PPHLN1: variants seen among roughly 807,000 people sequenced by gnomAD.
PPHLN1 encodes periphilin-1.
In PPHLN1, 29 loss-of-function variants were observed where a neutral mutation model predicts 51.3. That is an observed-to-expected ratio of 0.57 (90% CI 0.42 to 0.77). PPHLN1 has a LOEUF of 0.77. Ranked by LOEUF, PPHLN1 falls within the 30% of genes least tolerant of loss-of-function variation. The probability of loss-of-function intolerance (pLI) is 0.00; values close to 1 mark genes in which losing one functional copy is unlikely to be tolerated. For synonymous variants in PPHLN1, 147 were observed against 147.8 expected (o/e 0.99, Z 0.04); for missense variants, 436 against 438.4 (o/e 0.99, Z 0.05).
At position 42,360,634 on chromosome 12, in the gene PPHLN1, A is replaced by G. The variant is rs909525395; in HGVS notation, c.299+5412A>G. 5.3e-5 allele frequency among the ~76,000 whole-genome samples: 8 copies of G among 151,866 alleles called. No homozygotes were observed. The East Asian group carries it at 7.7e-4, about 15-fold the overall frequency. ...CCTCAGCCTCCAAGTAGCTGGGACTACAGGCGTGTGCCACCACCGCTGGCT... is the reference window on the plus strand; with the variant it reads ...CCTCAGCCTCCAAGTAGCTGGGACTGCAGGCGTGTGCCACCACCGCTGGCT... On this transcript the variant is annotated intron_variant, in intron 4 of 9. Coordinates refer to ENST00000358314, the MANE Select transcript of PPHLN1 (RefSeq NM_201439.2).
chr12:42,370,426 C>T (rs1434662650), intron 4 of PPHLN1, among the ~76,000 whole-genome samples: 1 of 152,186 alleles, frequency 6.6e-6, no homozygotes, highest in Non-Finnish European at 1.5e-5. Flanking sequence ...TCTGTAATTA[C>T]TGAGACAAAG....
At chr12:42,403,695 G>T (rs1355753189) in intron 9 of PPHLN1, among the ~76,000 whole-genome samples, 2 of 152,142 alleles carry the variant, frequency 1.3e-5, no homozygotes, top group Non-Finnish European at 2.9e-5. Context: ...AATGATATGA[G>T]TACCTTAAGG....
intron 3 of PPHLN1, among the ~76,000 whole-genome samples, chr12:42,354,120 T>C (rs190138508): frequency 5.3e-5 from 8 of 152,346 alleles, no homozygotes; most frequent in Non-Finnish European, 1.2e-4. Context: ...TATATAAGAA[T>C]AGAGTGTGTG....
At chr12:42,436,676 A>AC (rs1438970872) in intron 9 of PPHLN1, among the ~76,000 whole-genome samples, 2 of 152,178 alleles carry the variant, frequency 1.3e-5, no homozygotes, top group African/African-American at 2.4e-5. Flanking sequence ...ATAGTACTGA[A>AC]CCCTGTGTAT....
chr12:42,430,054 G>A (rs2081895757), intron 9 of PPHLN1, among the ~76,000 whole-genome samples: 2 of 152,114 alleles, frequency 1.3e-5, no homozygotes, highest in South Asian at 4.1e-4. Context: ...GGAGCTCCTG[G>A]ATAGCCTCTG....
downstream of PPHLN1, chr12:42,442,575 TC>T (rs2083052666): frequency 6.2e-7 from 1 of 1,602,108 alleles, no homozygotes; most frequent in African/African-American, 1.3e-5. Flanking sequence ...AAGCCGGCAG[TC>T]CCCTAGCCAT....
chr12:42,334,219 T>C (rs998894106), intron 1 of PPHLN1, among the ~76,000 whole-genome samples: 1 of 152,204 alleles, frequency 6.6e-6, no homozygotes, highest in Non-Finnish European at 1.5e-5. Flanking sequence ...AATCATACAT[T>C]ATTAAATGAG....
intron 9 of PPHLN1, among the ~76,000 whole-genome samples, chr12:42,434,136 T>G (rs1448439401): frequency 6.6e-6 from 1 of 152,106 alleles, no homozygotes; most frequent in Non-Finnish European, 1.5e-5. Context: ...TAATAAACAG[T>G]ATTTGTGGAG....
chr12:42,422,914 T>C (rs2081127449), intron 9 of PPHLN1, among the ~76,000 whole-genome samples: 1 of 152,206 alleles, frequency 6.6e-6, no homozygotes. Flanking sequence ...GAAAACAAGA[T>C]TGATATCTTC....
At position 42,351,964 on chromosome 12, in the gene PPHLN1, G is replaced by C; in HGVS notation, c.152G>C (p.Arg51Thr). The C allele has an allele frequency of 6.3e-7, 1 of 1,582,750 alleles. No homozygotes were observed. Among genetic ancestry groups the C allele is most frequent in the South Asian group, 1.2e-5 (1 of 84,622 alleles). The change falls in exon 3 of 10, where the codon AGA becomes ACA. Residue 51 changes from arginine (R) to threonine (T), a missense_variant. By Grantham distance (71) the Arg-to-Thr change is moderately conservative. Transcript: ENST00000358314. The stretch of plus-strand genomic sequence containing the variant: ...AGACCTGGTGAAGGAAGCTACAATA[G>C]ATATTACAGTCATGTTGATTACCGA... Reference protein sequence around the residue: ...LDRPGEGSYNRYYSHVDYRDY... With the variant: ...LDRPGEGSYNTYYSHVDYRDY...
downstream of PPHLN1, chr12:42,444,813 C>T: frequency 1.9e-6 from 1 of 514,492 alleles, no homozygotes; most frequent in Non-Finnish European, 3.4e-6. Flanking sequence ...TGTAGTTATT[C>T]CTACAAAGGT....
In PPHLN1 at chr12:42,412,255, C is replaced by T. The variant is rs146990463; in HGVS notation, c.909+13261C>T. On this transcript the variant is annotated intron_variant, in intron 9 of 9. Transcript: ENST00000358314. ...TTTATCCCTCACCCACTCCACCCTC[C>T]TGCTTGTGAGTCTCCATAGTCCATT... 8.7e-3 allele frequency among the ~76,000 whole-genome samples: 1,306 copies of T among 150,764 alleles called. 13 individuals carry two copies. The highest frequency in any genetic ancestry group is 0.015 in the South Asian group (71 of 4,768).
intron 1 of PPHLN1, among the ~76,000 whole-genome samples, chr12:42,333,492 AT>A (rs971263619): frequency 1.3e-5 from 2 of 149,368 alleles, no homozygotes; most frequent in Non-Finnish European, 3.0e-5. Context: ...TTTTATTTTT[AT>A]TTTTTTTGAG....
At chr12:42,446,123 C>CGGACGACACA, downstream of PPHLN1, 1 of 1,565,168 alleles carries the variant, frequency 6.4e-7, no homozygotes, top group East Asian at 2.4e-5. Flanking sequence ...ACGGGTTCGT[C>CGGACGACACA]GGACGACACA....
intron 9 of PPHLN1, among the ~76,000 whole-genome samples, chr12:42,436,174 C>G (rs909863734): frequency 6.6e-6 from 1 of 152,158 alleles, no homozygotes; most frequent in Non-Finnish European, 1.5e-5. Context: ...TTTATAAACT[C>G]TTTCTTTGGC....
At chr12:42,380,191 G>C (rs1281660875) in intron 5 of PPHLN1, among the ~76,000 whole-genome samples, 3 of 152,004 alleles carry the variant, frequency 2.0e-5, no homozygotes, top group Non-Finnish European at 4.4e-5. Context: ...ACATTTGCTA[G>C]GGATTAATCC....
At chr12:42,355,106 C>A in intron 3 of PPHLN1, 55 bp from the exon 4 acceptor site, 1 of 1,522,844 alleles carries the variant, frequency 6.6e-7, no homozygotes, top group Non-Finnish European at 9.1e-7. Flanking sequence ...TTAGATATGT[C>A]CCACTTGTCC....
Position 42,394,392 on chromosome 12 carries a change from A to C in PPHLN1, c.768+703A>C, listed in dbSNP as rs151047322. Among the ~76,000 whole-genome samples, 8 of 152,250 alleles carry C rather than the reference A, an allele frequency of 5.3e-5. No homozygotes were observed. The East Asian group carries it at 1.5e-3, about 29-fold the overall frequency. The stretch of plus-strand genomic sequence containing the variant: ...GAATATAAAAATCCGTCCCGTGACA[A>C]ATTATTTTTATTTGAAGGAGCATTC... On this transcript the variant is annotated intron_variant, in intron 8 of 9. Transcript: ENST00000358314.
At chr12:42,431,781 G>T in intron 9 of PPHLN1, 3 of 1,071,744 alleles carry the variant, frequency 2.8e-6, no homozygotes, top group Non-Finnish European at 4.4e-6. Context: ...AGAAGCACTA[G>T]TCGGGCTATT....
Sources: allele counts gnomAD v4.1 joint callset (sites outside exome capture counted in the v4.1 genomes callset), GRCh38; gene constraint gnomAD v4.1.1; transcripts MANE v1.5; gene names NCBI Gene and HGNC (gene_info 2026-07-23, HGNC 2026-07-21).